Variants in SLC2A9 observed in about 807,000 individuals in gnomAD.
SLC2A9 encodes solute carrier family 2, facilitated glucose transporter member 9.
A neutral mutation model predicts 50.6 loss-of-function variants in SLC2A9; 39 were observed. That is an observed-to-expected ratio of 0.77 (90% confidence interval 0.60 to 1.01). The LOEUF is 1.01. Among genes scored for constraint, SLC2A9 ranks in the 50% least tolerant of loss-of-function variants. The pLI, the probability that SLC2A9 is intolerant of heterozygous loss-of-function variation, is 0.00. For missense variants in SLC2A9, 686 were observed against 677.6 expected (o/e 1.01, Z -0.14); for synonymous variants, 324 against 276.9 (o/e 1.17, Z -1.69).
rs1445572909 is a variant in SLC2A9 at position 9,841,010 on chromosome 4, C to T, written c.1292-6002G>A. The stretch of plus-strand genomic sequence containing the variant: ...TCACAAGAACAGCATGGGGGAACTA[C>T]TCCCATGATTCAATCACCTCCTACA... On this transcript the variant is annotated intron_variant, in intron 10 of 11. Coordinates refer to ENST00000264784, the MANE Select transcript of SLC2A9 (RefSeq NM_020041.3). Among the ~76,000 whole-genome samples the T allele has an allele frequency of 2.0e-5, 3 of 152,190 alleles. No individual in the cohort carries two copies. The South Asian group carries it at 6.2e-4, about 32-fold the overall frequency.
At chr4:9,973,276 C>T (rs193283119) in intron 5 of SLC2A9, among the ~76,000 whole-genome samples, 151 of 152,226 alleles carry the variant, frequency 9.9e-4, no homozygotes, top group African/African-American at 3.4e-3. Flanking sequence ...AGAACAATAT[C>T]AAGATCTGAA....
intron 5 of SLC2A9, among the ~76,000 whole-genome samples, chr4:9,949,545 A>G (rs914799623): frequency 6.6e-6 from 1 of 152,252 alleles, no homozygotes; most frequent in Non-Finnish European, 1.5e-5. Flanking sequence ...GCCAAGGCAC[A>G]TGAGAAATTA....
intron 1 of SLC2A9, among the ~76,000 whole-genome samples, chr4:10,029,565 A>ATTTTATTTTG (rs11396953): frequency 1.8e-5 from 2 of 110,162 alleles, no homozygotes; most frequent in African/African-American, 2.7e-5. Context: ...ATTTTATTTT[A>ATTTTATTTTG]TTTATTTTAT....
chr4:9,902,270 G>C lies in SLC2A9; in HGVS notation c.1113+5965C>G, dbSNP rs773100459. ...CTTGTTACACTGTCTGTGACCCCAT[G>C]AGGAGCTCTCCTTCTCCACAGCAGA... On this transcript the variant is annotated intron_variant, in intron 8 of 11. Transcript: ENST00000264784. 7.3e-4 allele frequency among the ~76,000 whole-genome samples: 111 copies of C among 152,298 alleles called. 1 individual carries two copies. Among genetic ancestry groups the C allele is most frequent in the Non-Finnish European group, 1.4e-3 (95 of 68,006 alleles).
intron 7 of SLC2A9, among the ~76,000 whole-genome samples, chr4:9,918,420 C>A (rs554942065): frequency 6.6e-6 from 1 of 152,186 alleles, no homozygotes; most frequent in Non-Finnish European, 1.5e-5. Flanking sequence ...CTGTATGTAA[C>A]ACGGAAGAAG....
intron 5 of SLC2A9, among the ~76,000 whole-genome samples, chr4:9,964,392 G>A (rs1257232634): frequency 1.3e-5 from 2 of 152,298 alleles, no homozygotes; most frequent in Non-Finnish European, 2.9e-5. Context: ...CAGGAAGAAT[G>A]CAAAGGTGAC....
At chr4:9,889,717 T>G (rs571566850) in intron 9 of SLC2A9, among the ~76,000 whole-genome samples, 158 of 152,348 alleles carry the variant, frequency 1.0e-3, no homozygotes, top group Non-Finnish European at 1.5e-3. Context: ...AATTTCCAGA[T>G]GCATTTTTGA....
chr4:9,893,214 G>GC lies in SLC2A9; in HGVS notation c.1114-2504dup, dbSNP rs772189056. ...GAACAAGGGCACTGATCACTTTTCT[G>GC]CCCCCCCACCCCCTCCCCCCTCCGC... On this transcript the variant is annotated intron_variant, in intron 8 of 11. Transcript: ENST00000264784. Among the ~76,000 whole-genome samples, 71 of 151,796 alleles carry GC rather than the reference G, an allele frequency of 4.7e-4. 1 individual carries two copies. Among genetic ancestry groups the GC allele is most frequent in the Non-Finnish European group, 6.3e-4 (43 of 67,908 alleles).
chr4:9,929,489 C>T (rs374944536), intron 6 of SLC2A9, among the ~76,000 whole-genome samples: 5 of 152,222 alleles, frequency 3.3e-5, no homozygotes, highest in African/African-American at 4.8e-5. Flanking sequence ...GTCTACACTG[C>T]GCTGCAGATG....
At chr4:9,789,808 T>C (rs765470416) in intron 3 of SLC2A9, among the ~76,000 whole-genome samples, 6 of 152,214 alleles carry the variant, frequency 3.9e-5, no homozygotes, top group Admixed American at 6.5e-5. Flanking sequence ...GGGATATTAA[T>C]AATACAATGC....
chr4:9,820,173 G>A (rs900363830), intron 3 of SLC2A9, among the ~76,000 whole-genome samples: 2 of 152,166 alleles, frequency 1.3e-5, no homozygotes, highest in Admixed American at 6.5e-5. Context: ...TTTTTAAGGA[G>A]TGAGATATAG....
chr4:9,879,064 G>T, intron 10 of SLC2A9: 4 of 985,122 alleles, frequency 4.1e-6, no homozygotes, highest in Non-Finnish European at 4.8e-6. Context: ...CCACTGTCAG[G>T]CTGTGTGTTT....
At chr4:9,883,252 G>A (rs77105911) in intron 10 of SLC2A9, among the ~76,000 whole-genome samples, 2,440 of 152,312 alleles carry the variant, frequency 0.016, 25 homozygotes, top group Non-Finnish European at 0.024. Flanking sequence ...AATAGAGTAA[G>A]TGATCAATAA....
chr4:9,902,892 C>T (rs1178630174), intron 8 of SLC2A9, among the ~76,000 whole-genome samples: 1 of 152,196 alleles, frequency 6.6e-6, no homozygotes, highest in African/African-American at 2.4e-5. Flanking sequence ...TGCAATTCAA[C>T]CCATAACAAT....
chr4:9,880,115 C>T (rs1250150581), intron 10 of SLC2A9: 16 of 985,266 alleles, frequency 1.6e-5, no homozygotes. Context: ...CGGGTGGCTC[C>T]CCTGGGGACT....
At chr4:9,921,650 G>T (rs1042565396) in intron 6 of SLC2A9, among the ~76,000 whole-genome samples, 1 of 152,256 alleles carries the variant, frequency 6.6e-6, no homozygotes, top group African/African-American at 2.4e-5. Context: ...GTTATTTCCA[G>T]CAGGGTACTA....
rs79026415 is a variant in SLC2A9 at position 9,871,977 on chromosome 4, G to A, written c.1291+15590C>T. 7.9e-3 allele frequency among the ~76,000 whole-genome samples: 1,197 copies of A among 152,278 alleles called. 16 individuals are homozygous for A. Among genetic ancestry groups the A allele is most frequent in the African/African-American group, 0.027 (1,137 of 41,552 alleles). On this transcript the variant is annotated intron_variant, in intron 10 of 11. Coordinates refer to ENST00000264784, the MANE Select transcript of SLC2A9 (RefSeq NM_020041.3). The stretch of plus-strand genomic sequence containing the variant: ...TCAGGAAAGTGGCTTGGGCTGGGAT[G>A]GCTGCTGAGGAATCATTCAGGAAAT...
intron 5 of SLC2A9, among the ~76,000 whole-genome samples, chr4:9,959,579 G>A (rs989599428): frequency 6.6e-6 from 1 of 152,176 alleles, no homozygotes; most frequent in Non-Finnish European, 1.5e-5. Flanking sequence ...AGAGCAGACA[G>A]GGAGCTTGAG....
upstream of SLC2A9, chr4:10,026,090 C>T (rs1578387172): frequency 5.1e-6 from 5 of 982,926 alleles, no homozygotes; most frequent in Admixed American, 5.7e-5. Flanking sequence ...GAGCAGTCTT[C>T]GAAAGGTTTG....
Sources: allele counts gnomAD v4.1 joint callset (sites outside exome capture counted in the v4.1 genomes callset), GRCh38; gene constraint gnomAD v4.1.1; transcripts MANE v1.5; gene names NCBI Gene and HGNC (gene_info 2026-07-23, HGNC 2026-07-21).